The following TBXAS1 variants were observed in gnomAD, a reference collection of about 807,000 sequenced individuals.
TBXAS1 encodes thromboxane-A synthase.
TBXAS1 carries 48 observed loss-of-function variants against 60.7 expected under a neutral mutation model. The observed-to-expected ratio is 0.79, with a 90% CI of 0.63 to 1.01. The LOEUF is 1.01. TBXAS1 is among the 50% of genes least tolerant of loss of function. The probability of loss-of-function intolerance (pLI) is 0.00; values close to 1 mark genes in which losing one functional copy is unlikely to be tolerated. For missense variants in TBXAS1, 685 were observed against 686.3 expected, an observed-to-expected ratio of 1.00 and a Z score of 0.02; for synonymous variants, 287 against 269.7, an observed-to-expected ratio of 1.06 and a Z score of -0.63.
At chr7:139,866,196 C>T (rs1003299161) in intron 1 of TBXAS1, among the ~76,000 whole-genome samples, 2 of 152,136 alleles carry the variant, frequency 1.3e-5, no homozygotes, top group Non-Finnish European at 2.9e-5. Flanking sequence ...ACCAGTGACT[C>T]ATGGATCTCA....
chr7:139,779,405 C>T (rs530106094), intron 1 of TBXAS1, among the ~76,000 whole-genome samples: 7 of 152,284 alleles, frequency 4.6e-5, no homozygotes. Flanking sequence ...TTCTCTTAAC[C>T]TAATGCCATT....
chr7:139,817,994 T>G (rs1798194350), intron 4 of TBXAS1, among the ~76,000 whole-genome samples: 1 of 152,150 alleles, frequency 6.6e-6, no homozygotes, highest in South Asian at 2.1e-4. Context: ...TTCAGAAACA[T>G]TTCGTGATCA....
At chr7:140,002,264 T>C (rs1813726505) in intron 9 of TBXAS1, among the ~76,000 whole-genome samples, 1 of 152,200 alleles carries the variant, frequency 6.6e-6, no homozygotes, top group South Asian at 2.1e-4. Flanking sequence ...CAGCACCTGG[T>C]CCCGCACCTG....
intron 4 of TBXAS1, among the ~76,000 whole-genome samples, chr7:139,924,839 T>C (rs1806763246): frequency 6.6e-6 from 1 of 152,346 alleles, no homozygotes. Context: ...TTGTATATGG[T>C]GAGAGATAGG....
chr7:139,990,511 A>G (rs1585018278), intron 9 of TBXAS1, among the ~76,000 whole-genome samples: 1 of 152,206 alleles, frequency 6.6e-6, no homozygotes, highest in South Asian at 2.1e-4. Context: ...GTCTGGGGGC[A>G]CGGGAACCCT....
chr7:140,001,830 C>A (rs1813694268), intron 9 of TBXAS1, among the ~76,000 whole-genome samples: 1 of 152,206 alleles, frequency 6.6e-6, no homozygotes, highest in South Asian at 2.1e-4. Flanking sequence ...AGGTTGGTTG[C>A]AGCAGCCTCT....
Position 140,013,721 on chromosome 7 carries a change from C to A in TBXAS1, c.1227-2002C>A, listed in dbSNP as rs1472145358. On this transcript the variant is annotated intron_variant, in intron 10 of 12. Coordinates refer to ENST00000448866, the MANE Select transcript of TBXAS1 (RefSeq NM_001061.7). The surrounding 1 kb of genome is among the most constrained non-coding windows in gnomAD (Gnocchi z 4.2). ...GGGTGTGATCTCACAGCACCAGGAG[C>A]CCTGAACACCAGCCTGAGGCTCAGC... Among the ~76,000 whole-genome samples, 1 of 152,204 alleles carries A rather than the reference C, an allele frequency of 6.6e-6. No individual in the cohort carries two copies. The highest frequency in any genetic ancestry group is 1.5e-5 in the Non-Finnish European group (1 of 68,038).
chr7:139,954,506 A>C (rs1366164184), intron 6 of TBXAS1, among the ~76,000 whole-genome samples: 2 of 152,250 alleles, frequency 1.3e-5, no homozygotes, highest in African/African-American at 4.8e-5. Context: ...GTGAATTTTA[A>C]AAGTCATCTG....
chr7:140,001,178 C>A (rs1441903149), intron 9 of TBXAS1, among the ~76,000 whole-genome samples: 5 of 152,204 alleles, frequency 3.3e-5, no homozygotes, highest in Non-Finnish European at 7.3e-5. Flanking sequence ...GATTTCCCCC[C>A]AGCTCTAATT....
chr7:139,972,118 T>C (rs1010943925), intron 9 of TBXAS1, among the ~76,000 whole-genome samples: 2 of 152,196 alleles, frequency 1.3e-5, no homozygotes, highest in African/African-American at 4.8e-5. Context: ...TCCAGCACTT[T>C]GAATTTTTAG....
Position 139,890,377 on chromosome 7 carries a change from G to A in TBXAS1, c.236+14740G>A, listed in dbSNP as rs1446959682. Among the ~76,000 whole-genome samples the A allele has an allele frequency of 4.6e-5, 7 of 151,926 alleles. 1 individual carries two copies. In the South Asian group the frequency reaches 6.2e-4, roughly 13 times the overall value. The stretch of plus-strand genomic sequence containing the variant: ...ACTACAGGCGCCCGCCACTGCGCCC[G>A]GCTAATTTTTTGTATTTTTAGGAGA... On this transcript the variant is annotated intron_variant, in intron 3 of 12. Coordinates refer to ENST00000448866, the MANE Select transcript of TBXAS1 (RefSeq NM_001061.7).
At chr7:139,921,642 A>G (rs531996053) in intron 4 of TBXAS1, among the ~76,000 whole-genome samples, 1 of 152,238 alleles carries the variant, frequency 6.6e-6, no homozygotes, top group Non-Finnish European at 1.5e-5. Context: ...ATTTGAGGCT[A>G]TAGTGAGCTA....
chr7:139,898,791 C>T (rs1046980964), intron 3 of TBXAS1, among the ~76,000 whole-genome samples: 6 of 152,238 alleles, frequency 3.9e-5, no homozygotes, highest in Admixed American at 2.0e-4. Flanking sequence ...CTTTACTGTT[C>T]GGACAAACTA....
intron 4 of TBXAS1, among the ~76,000 whole-genome samples, chr7:139,798,216 G>T (rs138978049): frequency 5.3e-5 from 8 of 152,212 alleles, no homozygotes; most frequent in African/African-American, 1.9e-4. Context: ...AGGGAGACAC[G>T]CCAGCCAGAA....
chr7:139,782,598 T>G (rs1319875069), intron 2 of TBXAS1: 1 of 152,252 alleles, frequency 6.6e-6, no homozygotes, highest in Admixed American at 6.5e-5. Context: ...AGGGTATTCT[T>G]AGCATGATGT....
intron 4 of TBXAS1, among the ~76,000 whole-genome samples, chr7:139,935,962 C>T (rs1195505638): frequency 6.6e-6 from 1 of 152,328 alleles, no homozygotes; most frequent in Admixed American, 6.5e-5. Flanking sequence ...CAGCAGGGTA[C>T]AGCTGAGCCA....
At chr7:139,860,410 C>T (rs6464154) in intron 1 of TBXAS1, among the ~76,000 whole-genome samples, 67,561 of 151,960 alleles carry the variant, frequency 0.44, 15,285 homozygotes, top group South Asian at 0.56. Context: ...TATAAGTTGG[C>T]GTGGTAGCTG....
At chr7:139,862,625 T>A (rs1801050459) in intron 1 of TBXAS1, among the ~76,000 whole-genome samples, 1 of 152,090 alleles carries the variant, frequency 6.6e-6, no homozygotes, top group South Asian at 2.1e-4. Context: ...TCCTTTAAGA[T>A]GGAAGACACT....
At chr7:139,850,168 G>A (rs1287512667) in intron 1 of TBXAS1, among the ~76,000 whole-genome samples, 1 of 152,084 alleles carries the variant, frequency 6.6e-6, no homozygotes, top group Non-Finnish European at 1.5e-5. Context: ...TTGCCTCCAC[G>A]CTCCTTCTCG....
Sources: allele counts gnomAD v4.1 joint callset (sites outside exome capture counted in the v4.1 genomes callset), GRCh38; gene constraint gnomAD v4.1.1; non-coding constraint Gnocchi (gnomAD v3.1); transcripts MANE v1.5; gene names NCBI Gene and HGNC (gene_info 2026-07-23, HGNC 2026-07-21).